The following RAP1GDS1 variants were observed in gnomAD, a reference collection of about 807,000 sequenced individuals.
RAP1GDS1 encodes RAP1, GTP-GDP dissociation stimulator 1.
RAP1GDS1 carries 35 observed loss-of-function variants against 71.1 expected under a neutral mutation model. That is an observed-to-expected ratio of 0.49 (90% confidence interval 0.38 to 0.65). The LOEUF (loss-of-function observed/expected upper bound fraction) is 0.65. Among genes scored for constraint, RAP1GDS1 ranks in the 30% least tolerant of loss-of-function variants. RAP1GDS1 has a pLI of 0.00. For synonymous variants in RAP1GDS1, 229 were observed against 243.1 expected (o/e 0.94, Z 0.54); for missense variants, 663 against 706.1 (o/e 0.94, Z 0.69).
At chr4:98,272,935 C>T (rs1723692622) in intron 1 of RAP1GDS1, among the ~76,000 whole-genome samples, 1 of 152,162 alleles carries the variant, frequency 6.6e-6, no homozygotes, top group Non-Finnish European at 1.5e-5. Context: ...ATAAGGCACC[C>T]ACCTATCGAG....
chr4:98,294,752 AT>A (rs1727465308), intron 2 of RAP1GDS1, among the ~76,000 whole-genome samples: 1 of 152,120 alleles, frequency 6.6e-6, no homozygotes, highest in South Asian at 2.1e-4. Flanking sequence ...AAATATTCCC[AT>A]GATCACAGAA....
At chr4:98,310,710 T>C (rs1730091625) in intron 2 of RAP1GDS1, among the ~76,000 whole-genome samples, 1 of 152,102 alleles carries the variant, frequency 6.6e-6, no homozygotes, top group Non-Finnish European at 1.5e-5. Flanking sequence ...TCTAGATGTA[T>C]GCCATCCAGT....
intron 5 of RAP1GDS1, among the ~76,000 whole-genome samples, chr4:98,388,001 T>C (rs1204228792): frequency 6.6e-6 from 1 of 152,228 alleles, no homozygotes; most frequent in African/African-American, 2.4e-5. Context: ...CATGATACCA[T>C]GGATGTCAGC....
At chr4:98,439,496 G>A (rs910199720) in intron 14 of RAP1GDS1, among the ~76,000 whole-genome samples, 9 of 152,026 alleles carry the variant, frequency 5.9e-5, no homozygotes, top group African/African-American at 2.2e-4. Context: ...ACTTCTTCAG[G>A]TACTTTTCAG....
At chr4:98,341,688 A>C (rs1172367530) in intron 2 of RAP1GDS1, among the ~76,000 whole-genome samples, 1 of 151,572 alleles carries the variant, frequency 6.6e-6, no homozygotes, top group Non-Finnish European at 1.5e-5. Context: ...TGGCAAATTA[A>C]GTTTAGTTCT....
chr4:98,330,065 C>T (rs1733722143), intron 2 of RAP1GDS1, among the ~76,000 whole-genome samples: 2 of 152,232 alleles, frequency 1.3e-5, no homozygotes, highest in African/African-American at 4.8e-5. Context: ...CTAGGCAGCA[C>T]ATCCTGCACT....
At chr4:98,271,669 A>G (rs1723482345) in intron 1 of RAP1GDS1, among the ~76,000 whole-genome samples, 1 of 152,174 alleles carries the variant, frequency 6.6e-6, no homozygotes, top group Non-Finnish European at 1.5e-5. Context: ...AAAAATCCTG[A>G]AAATTTAATA....
In RAP1GDS1 at chr4:98,336,734, A is replaced by AT. The variant is rs529559907; in HGVS notation, c.113-6396dup. Among the ~76,000 whole-genome samples, 207 of 150,824 alleles carry AT rather than the reference A, an allele frequency of 1.4e-3. 1 individual carries two copies. The South Asian group carries it at 0.018, about 13-fold the overall frequency. ...TCTTGTCGTCAGTGAAAGAATTGCC[A>AT]TTTTTTTTTATTCCCATCCCTGCCA... On this transcript the variant is annotated intron_variant, in intron 2 of 14. Coordinates refer to ENST00000408927, the MANE Select transcript of RAP1GDS1 (RefSeq NM_001100427.2).
intron 2 of RAP1GDS1, among the ~76,000 whole-genome samples, chr4:98,331,731 C>G (rs1246579362): frequency 6.6e-6 from 1 of 152,130 alleles, no homozygotes; most frequent in African/African-American, 2.4e-5. Context: ...TTCTTTGATG[C>G]TCTCTAGGAG....
At chr4:98,299,850 AC>A (rs1444527045) in intron 2 of RAP1GDS1, among the ~76,000 whole-genome samples, 1 of 151,768 alleles carries the variant, frequency 6.6e-6, no homozygotes, top group African/African-American at 2.4e-5. Flanking sequence ...CGAACTCCTG[AC>A]CTTGTGATCC....
chr4:98,352,926 C>G (rs751497316), intron 4 of RAP1GDS1, among the ~76,000 whole-genome samples: 12 of 152,170 alleles, frequency 7.9e-5, no homozygotes, highest in Non-Finnish European at 1.6e-4. Flanking sequence ...GAAATATTAT[C>G]TCTGAATGGG....
At chr4:98,345,563 A>G (rs2110403458) in intron 3 of RAP1GDS1, among the ~76,000 whole-genome samples, 1 of 144,046 alleles carries the variant, frequency 6.9e-6, no homozygotes, top group East Asian at 2.0e-4. Context: ...CAAAGGACAA[A>G]TAAGATATGA....
intron 14 of RAP1GDS1, among the ~76,000 whole-genome samples, chr4:98,438,178 T>G (rs887644920): frequency 1.8e-4 from 27 of 150,992 alleles, no homozygotes; most frequent in Admixed American, 1.4e-3. Context: ...TGTACCTCTC[T>G]CTGGTATTTT....
At chr4:98,274,371 A>T (rs1183655190) in intron 1 of RAP1GDS1, among the ~76,000 whole-genome samples, 2 of 152,306 alleles carry the variant, frequency 1.3e-5, no homozygotes, top group Non-Finnish European at 1.5e-5. Context: ...ATGATGGTTA[A>T]ATCTGTGAGA....
chr4:98,326,608 A>T (rs1199505185), intron 2 of RAP1GDS1, among the ~76,000 whole-genome samples: 4 of 151,902 alleles, frequency 2.6e-5, no homozygotes, highest in African/African-American at 9.7e-5. Context: ...TTCTACATTT[A>T]TTTATTTTTT....
intron 4 of RAP1GDS1, among the ~76,000 whole-genome samples, chr4:98,368,687 TTA>T (rs1425427580): frequency 2.0e-5 from 3 of 152,100 alleles, no homozygotes; most frequent in African/African-American, 7.3e-5. Context: ...ATTTGTATGA[TTA>T]TGTTATTATT....
At position 98,388,535 on chromosome 4, in the gene RAP1GDS1, G is replaced by A. The variant is rs544155468; in HGVS notation, c.509-3417G>A. ...GAGGTCAGGAGTTCGAGACCAACCT[G>A]TCCAACATGGTGAAACCCTGTCTCT... On this transcript the variant is annotated intron_variant, in intron 5 of 14. Coordinates refer to ENST00000408927, the MANE Select transcript of RAP1GDS1 (RefSeq NM_001100427.2). Among the ~76,000 whole-genome samples the A allele has an allele frequency of 2.0e-5, 3 of 152,254 alleles. No individual in the cohort carries two copies. The East Asian group carries it at 5.8e-4, about 29-fold the overall frequency.
At chr4:98,274,211 A>G (rs2110237124) in intron 1 of RAP1GDS1, among the ~76,000 whole-genome samples, 1 of 152,296 alleles carries the variant, frequency 6.6e-6, no homozygotes, top group South Asian at 2.1e-4. Context: ...TAGTGGTTAA[A>G]GGCATTTCTT....
intron 2 of RAP1GDS1, among the ~76,000 whole-genome samples, chr4:98,338,691 C>T (rs1299812481): frequency 6.6e-6 from 1 of 152,160 alleles, no homozygotes; most frequent in Non-Finnish European, 1.5e-5. Context: ...TTTTTTATTA[C>T]TCTAAAGCTA....
Sources: allele counts gnomAD v4.1 joint callset (sites outside exome capture counted in the v4.1 genomes callset), GRCh38; gene constraint gnomAD v4.1.1; transcripts MANE v1.5; gene names NCBI Gene and HGNC (gene_info 2026-07-23, HGNC 2026-07-21).